EFCAB6: variants seen among roughly 807,000 people sequenced by gnomAD.
EFCAB6 encodes the protein EF-hand calcium binding domain 6, also known as EF-hand calcium-binding domain-containing protein 6.
EFCAB6 carries 156 observed loss-of-function variants against 169.8 expected under a neutral mutation model. The ratio of observed to expected loss-of-function variants is 0.92; its 90% CI spans 0.81 to 1.05. EFCAB6 has a LOEUF of 1.05. EFCAB6 is among the 50% of genes least tolerant of loss of function. The pLI is 0.00. For missense variants in EFCAB6, 1,800 were observed against 1,829.1 expected, an observed-to-expected ratio of 0.98 and a Z score of 0.29; for synonymous variants, 698 against 676.4, an observed-to-expected ratio of 1.03 and a Z score of -0.50.
intron 8 of EFCAB6, among the ~76,000 whole-genome samples, chr22:43,725,945 T>C (rs1246514701): frequency 1.3e-5 from 2 of 152,186 alleles, no homozygotes; most frequent in African/African-American, 2.4e-5. Flanking sequence ...TTACGATGAA[T>C]GCAGGATAGA....
Position 43,635,202 on chromosome 22 carries a change from A to AG in EFCAB6, c.1997dup (p.Gly667TrpfsTer7), listed in dbSNP as rs755730673. The AG allele has an allele frequency of 3.7e-6, 6 of 1,613,854 alleles. No individual in the cohort carries two copies. Among genetic ancestry groups the AG allele is most frequent in the Non-Finnish European group, 5.1e-6 (6 of 1,179,898 alleles). On this transcript the variant is annotated frameshift_variant, in exon 18 of 32. Coordinates refer to ENST00000262726, the MANE Select transcript of EFCAB6 (RefSeq NM_022785.4). LOFTEE classifies it high-confidence loss of function. ...ACTGATCATCGTCCATGGGCATCCC[A>AG]GTGTCTTCCAGTACCTGACGAGGGA...
At chr22:43,615,766 G>T in intron 21 of EFCAB6, 60 bp downstream of exon 21, 7 of 1,450,344 alleles carry the variant, frequency 4.8e-6, no homozygotes, top group Non-Finnish European at 6.7e-6. Flanking sequence ...CATCATCCCA[G>T]TGATCTTGAA....
At chr22:43,738,474 T>C (rs1457862945) in intron 6 of EFCAB6, among the ~76,000 whole-genome samples, 9 of 150,442 alleles carry the variant, frequency 6.0e-5, no homozygotes, top group Non-Finnish European at 1.2e-4. Flanking sequence ...CACACACACA[T>C]ATATTCACAC....
intron 26 of EFCAB6, among the ~76,000 whole-genome samples, chr22:43,555,742 C>T (rs924853990): frequency 2.0e-5 from 3 of 152,204 alleles, no homozygotes; most frequent in African/African-American, 7.2e-5. Context: ...TCCTTGGGCA[C>T]TGGAAGTCAG....
chr22:43,721,907 C>T (rs1003430269), intron 8 of EFCAB6, among the ~76,000 whole-genome samples: 1 of 152,108 alleles, frequency 6.6e-6, no homozygotes, highest in African/African-American at 2.4e-5. Flanking sequence ...CCTTCTTAAA[C>T]TAAAGAACTT....
At chr22:43,544,737 T>G (rs1478128873) in intron 27 of EFCAB6, among the ~76,000 whole-genome samples, 2 of 152,102 alleles carry the variant, frequency 1.3e-5, no homozygotes, top group Non-Finnish European at 2.9e-5. Flanking sequence ...CTCTTTCTGC[T>G]AAAACTTGCC....
chr22:43,729,058 G>A (rs2147585875), intron 8 of EFCAB6, among the ~76,000 whole-genome samples: 1 of 152,254 alleles, frequency 6.6e-6, no homozygotes, highest in South Asian at 2.1e-4. Flanking sequence ...GGTGAACAGG[G>A]AGCAAGTGCA....
At position 43,731,951 on chromosome 22, in the gene EFCAB6, C is replaced by A; in HGVS notation, c.645-140G>T. On this transcript the variant is annotated intron_variant, in intron 7 of 31. Transcript: ENST00000262726. Reference sequence around the variant, plus strand: ...CTACAGAGGGAATTAAAAAGTAAACCCCAGAAAATGTTACTGTCAGATTTT... The same window carrying A: ...CTACAGAGGGAATTAAAAAGTAAACACCAGAAAATGTTACTGTCAGATTTT... 4 of 495,162 alleles carry A rather than the reference C, an allele frequency of 8.1e-6. No homozygotes were observed. The South Asian group carries it at 1.4e-4, about 17-fold the overall frequency. 30.7% of individuals were successfully genotyped at this position (495,162 alleles called of 1,614,324 possible).
At chr22:43,739,965 C>T (rs2060307459) in intron 6 of EFCAB6, among the ~76,000 whole-genome samples, 2 of 152,122 alleles carry the variant, frequency 1.3e-5, no homozygotes, top group Non-Finnish European at 2.9e-5. Flanking sequence ...AGGCCACACC[C>T]GACTGGCTCC....
intron 17 of EFCAB6, among the ~76,000 whole-genome samples, chr22:43,651,447 G>A (rs534851242): frequency 4.6e-4 from 70 of 152,402 alleles, no homozygotes; most frequent in African/African-American, 1.7e-3. Context: ...ACGCCTGGAT[G>A]TCTAAGCAGA....
chr22:43,782,843 T>A (rs1162697624), intron 2 of EFCAB6, among the ~76,000 whole-genome samples: 1 of 152,198 alleles, frequency 6.6e-6, no homozygotes. Flanking sequence ...TACAGCAATC[T>A]GGGGAGCATT....
In EFCAB6 at chr22:43,628,010, G is replaced by A. The variant is rs951053924; in HGVS notation, c.2233-1331C>T. Among the ~76,000 whole-genome samples the A allele has an allele frequency of 1.3e-5, 2 of 152,112 alleles. No homozygotes were observed. Among genetic ancestry groups the A allele is most frequent in the African/African-American group, 4.8e-5 (2 of 41,408 alleles). ...GGGAGGCTGATGTCTAACTCTGCCC[G>A]AGGGGGCCTCCTGGGGTGCAGGCCC... On this transcript the variant is annotated intron_variant, in intron 19 of 31. Coordinates refer to ENST00000262726, the MANE Select transcript of EFCAB6 (RefSeq NM_022785.4). The surrounding 1 kb of genome is among the most constrained non-coding windows in gnomAD (Gnocchi z 4.8).
intron 29 of EFCAB6, 147 bp from the exon 30 acceptor site, chr22:43,535,019 C>A (rs2147011715): frequency 1.3e-6 from 1 of 782,176 alleles, no homozygotes; most frequent in Non-Finnish European, 2.0e-6. Context: ...GGTGGCTGGA[C>A]ATATGTGGAG....
At chr22:43,682,864 T>C (rs2058057776) in intron 12 of EFCAB6, among the ~76,000 whole-genome samples, 1 of 152,202 alleles carries the variant, frequency 6.6e-6, no homozygotes, top group Non-Finnish European at 1.5e-5. Context: ...AACCCCATGT[T>C]CCTGAATCCA....
chr22:43,719,484 T>C (rs1041048443), intron 8 of EFCAB6, among the ~76,000 whole-genome samples: 1 of 152,188 alleles, frequency 6.6e-6, no homozygotes, highest in Non-Finnish European at 1.5e-5. Context: ...AAAACAGAAG[T>C]TAGCAAAATT....
At chr22:43,561,040 G>A (rs761267279) in intron 26 of EFCAB6, among the ~76,000 whole-genome samples, 1 of 152,176 alleles carries the variant, frequency 6.6e-6, no homozygotes, top group South Asian at 2.1e-4. Flanking sequence ...GCAAAAGGAA[G>A]TATTGCGTGT....
chr22:43,715,147 T>A (rs1251279160), intron 9 of EFCAB6, among the ~76,000 whole-genome samples: 1 of 152,192 alleles, frequency 6.6e-6, no homozygotes, highest in Non-Finnish European at 1.5e-5. Flanking sequence ...GCTTTTAAAA[T>A]CTCTTTTCTC....
chr22:43,684,782 G>A (rs992703157), intron 11 of EFCAB6, among the ~76,000 whole-genome samples: 2 of 152,212 alleles, frequency 1.3e-5, no homozygotes, highest in Admixed American at 6.5e-5. Context: ...GCACTGGCAT[G>A]AAGAGATGCT....
At chr22:43,610,729 T>TA (rs767349954) in intron 21 of EFCAB6, among the ~76,000 whole-genome samples, 46 of 151,690 alleles carry the variant, frequency 3.0e-4, no homozygotes, top group Middle Eastern at 6.8e-3. Flanking sequence ...AGTCATAACT[T>TA]AAAAAAAAAT....
Sources: allele counts gnomAD v4.1 joint callset (sites outside exome capture counted in the v4.1 genomes callset), GRCh38; gene constraint gnomAD v4.1.1; non-coding constraint Gnocchi (gnomAD v3.1); transcripts MANE v1.5; gene names NCBI Gene and HGNC (gene_info 2026-07-23, HGNC 2026-07-21).